The following GSDME variants were observed in gnomAD, a reference collection of about 807,000 sequenced individuals.
GSDME encodes gasdermin-E.
Under a neutral mutation model 47.5 loss-of-function variants are expected in GSDME, and 44 were observed. The observed-to-expected ratio is 0.93, with a 90% CI of 0.73 to 1.19. The LOEUF (loss-of-function observed/expected upper bound fraction) is 1.19, where lower values mean the gene tolerates loss of function less well. Ranked by LOEUF, GSDME falls within the 50% of genes most tolerant of loss-of-function variation. The probability of loss-of-function intolerance (pLI) is 0.00; values close to 1 mark genes in which losing one functional copy is unlikely to be tolerated. For missense variants in GSDME, 663 were observed against 604.2 expected (o/e 1.10, Z -1.02); for synonymous variants, 258 against 252.8 (o/e 1.02, Z -0.20).
At chr7:24,717,497 T>G in intron 4 of GSDME, 123 bp from the exon 5 acceptor site, 1 of 1,480,892 alleles carries the variant, frequency 6.8e-7, no homozygotes, top group Non-Finnish European at 9.2e-7. Flanking sequence ...CAGAACCGAG[T>G]GGAACAGAGG....
intron 3 of GSDME, among the ~76,000 whole-genome samples, chr7:24,730,701 G>C (rs1790115698): frequency 6.6e-6 from 1 of 152,204 alleles, no homozygotes; most frequent in South Asian, 2.1e-4. Context: ...TGTAGTCCCA[G>C]CTACTTGGGA....
In GSDME at chr7:24,700,567, A is replaced by G. The variant is rs186692960; in HGVS notation, c.1258-1308T>C. On this transcript the variant is annotated intron_variant, in intron 9 of 9. Coordinates refer to ENST00000645220, the MANE Select transcript of GSDME (RefSeq NM_001127453.2). ...AGCAGTGGTGACTATCTTGAAAGTC[A>G]TGCAGCTTGTCCAGGTAGACTGAAG... Among the ~76,000 whole-genome samples, 55 of 152,352 alleles carry G rather than the reference A, an allele frequency of 3.6e-4. No individual in the cohort carries two copies. The South Asian group carries it at 8.5e-3, about 24-fold the overall frequency.
At chr7:24,784,343 C>T in the GSDME span, among the ~76,000 whole-genome samples, 1 of 152,258 alleles carries the variant, frequency 6.6e-6, no homozygotes, top group South Asian at 2.1e-4. Context: ...TGAAGTCCCA[C>T]GATAGGCCAC....
intron 3 of GSDME, among the ~76,000 whole-genome samples, chr7:24,723,952 G>A (rs751253624): frequency 2.0e-5 from 3 of 152,156 alleles, no homozygotes; most frequent in Admixed American, 1.3e-4. Flanking sequence ...CGTGGCTGCC[G>A]CCCTGTGCCA....
At chr7:24,708,089 C>G (rs756152706) in intron 7 of GSDME, 38 bp downstream of exon 7, 26 of 1,612,052 alleles carry the variant, frequency 1.6e-5, no homozygotes, top group Non-Finnish European at 2.0e-5. Context: ...CCAGAAAACC[C>G]CAGTGAAAAC....
rs1400350640 is a variant in GSDME at position 24,732,032 on chromosome 7, ATGCCCCGGTTTATTGTGACCAGTTACACC to A, written c.404+12501_404+12529del. 6.6e-6 allele frequency among the ~76,000 whole-genome samples: 1 copy of A among 152,172 alleles called. No homozygotes were observed. The highest frequency in any genetic ancestry group is 1.5e-5 in the Non-Finnish European group (1 of 68,018). On this transcript the variant is annotated intron_variant, in intron 3 of 9. Transcript: ENST00000645220. This position sits in a 1 kb window ranked among gnomAD's most constrained non-coding sequence, Gnocchi z 4.8. ...AGCCCCTCCCATCCCAGACCTTGGG[ATGCCCCGGTTTATTGTGACCAGTTACACC>A]TGCCCTGGAAGGAGAAACACAGCAA...
chr7:24,749,025 G>A (rs1348862858), intron 2 of GSDME, among the ~76,000 whole-genome samples: 1 of 152,152 alleles, frequency 6.6e-6, no homozygotes, highest in Admixed American at 6.5e-5. Context: ...AACATGTACA[G>A]TAAGCATGTC....
chr7:24,699,890 T>C (rs1788792827), intron 9 of GSDME, among the ~76,000 whole-genome samples: 1 of 152,218 alleles, frequency 6.6e-6, no homozygotes, highest in African/African-American at 2.4e-5. Flanking sequence ...ATTAGAACTT[T>C]CTTATATCTT....
chr7:24,741,844 A>C (rs766933453), intron 3 of GSDME, among the ~76,000 whole-genome samples: 1 of 152,190 alleles, frequency 6.6e-6, no homozygotes, highest in Non-Finnish European at 1.5e-5. Flanking sequence ...TGTTAGCTTT[A>C]CTGAGCTCCA....
At chr7:24,767,973 G>A in the GSDME span, among the ~76,000 whole-genome samples, 42 of 152,230 alleles carry the variant, frequency 2.8e-4, 1 homozygote, top group African/African-American at 9.4e-4. This position sits in a 1 kb window ranked among gnomAD's most constrained non-coding sequence, Gnocchi z 5.3. Flanking sequence ...AAATGAATCC[G>A]TTCTCACCCA....
chr7:24,777,397 T>A, the GSDME span, among the ~76,000 whole-genome samples: 1 of 152,196 alleles, frequency 6.6e-6, no homozygotes, highest in Non-Finnish European at 1.5e-5. Context: ...AAATGAAGTT[T>A]TGGAATCGAA....
intron 3 of GSDME, among the ~76,000 whole-genome samples, chr7:24,737,402 G>C (rs1300045233): frequency 6.6e-6 from 1 of 151,736 alleles, no homozygotes; most frequent in African/African-American, 2.4e-5. Flanking sequence ...TAGAAGAAAT[G>C]AATAAATTCC....
chr7:24,717,463 A>G (rs1055999843), intron 4 of GSDME, 89 bp from the exon 5 acceptor site: 18 of 1,587,974 alleles, frequency 1.1e-5, no homozygotes, highest in African/African-American at 2.7e-5. Context: ...TGCCTTATAC[A>G]TAAGAGATGC....
Position 24,699,180 on chromosome 7 carries a change from C to T in GSDME, c.1337G>A (p.Gly446Glu). 1 of 1,614,176 alleles carries T rather than the reference C, an allele frequency of 6.2e-7. No homozygotes were observed. Among genetic ancestry groups the T allele is most frequent in the Non-Finnish European group, 8.5e-7 (1 of 1,180,030 alleles). The change falls in exon 10 of 10, where the codon GGG becomes GAG. Residue 446 changes from glycine (G) to glutamate (E), a missense_variant. Physicochemically the swap from Gly to Glu is moderately conservative, Grantham distance 98. Transcript: ENST00000645220. The stretch of plus-strand genomic sequence containing the variant: ...TGAGGCAAACAAGCGCTGCACAATC[C>T]CAAACCTTTCTGTATCTTTCAGGGG... Reference protein sequence around the residue: ...LTPLKDTERFGIVQRLFASAD... With the variant: ...LTPLKDTERFEIVQRLFASAD...
chr7:24,734,120 C>G (rs1212627925), intron 3 of GSDME, among the ~76,000 whole-genome samples: 1 of 152,178 alleles, frequency 6.6e-6, no homozygotes, highest in Non-Finnish European at 1.5e-5. Flanking sequence ...GGGAAGAGAA[C>G]AAGAGTCTCT....
chr7:24,758,727 T>C (rs1366454264), upstream of GSDME, among the ~76,000 whole-genome samples: 1 of 152,202 alleles, frequency 6.6e-6, no homozygotes, highest in Non-Finnish European at 1.5e-5. The surrounding 1 kb of genome is among the most constrained non-coding windows in gnomAD (Gnocchi z 4.6). Flanking sequence ...AAATTAAAAG[T>C]GCTGCCCACC....
Position 24,699,275 on chromosome 7 carries a change from T to A in GSDME, c.1258-16A>T. The A allele has an allele frequency of 6.4e-7, 1 of 1,558,900 alleles. No homozygotes were observed. The highest frequency in any genetic ancestry group is 8.8e-7 in the Non-Finnish European group (1 of 1,130,026). On this transcript the variant is annotated splice_polypyrimidine_tract_variant and intron_variant, in intron 9 of 9. Coordinates refer to ENST00000645220, the MANE Select transcript of GSDME (RefSeq NM_001127453.2). ...GAGCACGAAGCTGAAATGACACATT[T>A]AAACAAATTCACTTTTAAAATGTCC...
Position 24,744,209 on chromosome 7 carries a change from G to C in GSDME, c.404+353C>G. On this transcript the variant is annotated intron_variant, in intron 3 of 9. Transcript: ENST00000645220. This position sits in a 1 kb window ranked among gnomAD's most constrained non-coding sequence, Gnocchi z 4.5. ...TTCTTTTTTTCATCAGAAAATTATA[G>C]AGCCAGAGGGGGGTCATGACTTCCT... 4.3e-6 allele frequency: 1 copy of C among 230,048 alleles called. No homozygotes were observed. Among genetic ancestry groups the C allele is most frequent in the Non-Finnish European group, 8.6e-6 (1 of 116,128 alleles). 14.3% of individuals were successfully genotyped at this position (230,048 alleles called of 1,614,324 possible).
In GSDME at chr7:24,719,178, C is replaced by T. The variant is rs1435540477; in HGVS notation, c.445G>A (p.Glu149Lys). ...ACGCACAGGACCTCATTCCTTCCTTCCAGCACCTGCTGGAGCACAGGGTTT... is the reference window on the plus strand; with the variant it reads ...ACGCACAGGACCTCATTCCTTCCTTTCAGCACCTGCTGGAGCACAGGGTTT... ...LRNPVLQQVL[E>K]GRNEVLCVLT... The change falls in exon 4 of 10, where the codon GAA becomes AAA. Residue 149 changes from glutamate to lysine, a missense_variant. By Grantham distance (56) the Glu-to-Lys change is moderately conservative. Coordinates refer to ENST00000645220, the MANE Select transcript of GSDME (RefSeq NM_001127453.2). 3 of 1,613,384 alleles carry T rather than the reference C, an allele frequency of 1.9e-6. No homozygotes were observed. The highest frequency in any genetic ancestry group is 2.5e-6 in the Non-Finnish European group (3 of 1,180,020).
Sources: gnomAD v4.1 joint callset for allele counts (sites outside exome capture counted in the v4.1 genomes callset) on GRCh38, gnomAD v4.1.1 for gene constraint, Gnocchi (gnomAD v3.1) non-coding constraint, MANE v1.5 for transcripts, NCBI Gene and HGNC (gene_info 2026-07-23, HGNC 2026-07-21) for gene names.